The following SMARCA4 variants were observed in gnomAD, a reference collection of about 807,000 sequenced individuals.
SMARCA4 encodes the protein SWI/SNF related BAF chromatin remodeling complex subunit ATPase 4, also known as SWI/SNF-related matrix-associated actin-dependent regulator of chromatin subfamily A member 4.
Under a neutral mutation model 193.9 loss-of-function variants are expected in SMARCA4, and 31 were observed. The observed-to-expected ratio is 0.16, with a 90% CI of 0.12 to 0.22. The LOEUF is 0.22. SMARCA4 is among the 10% of genes least tolerant of loss of function. The pLI is 1.00. For synonymous variants in SMARCA4, 942 were observed against 933.1 expected (o/e 1.01, Z -0.17); for missense variants, 1,148 against 2,296.0 (o/e 0.50, Z 10.22).
intron 1 of SMARCA4, among the ~76,000 whole-genome samples, chr19:10,973,451 A>C (rs2084841531): frequency 6.6e-6 from 1 of 151,494 alleles, no homozygotes; most frequent in African/African-American, 2.4e-5. Flanking sequence ...CCCAGGCTAG[A>C]GTGCAGTGAT....
At chr19:11,028,675 C>T (rs1192420532) in intron 24 of SMARCA4, among the ~76,000 whole-genome samples, 2 of 152,252 alleles carry the variant, frequency 1.3e-5, no homozygotes, top group African/African-American at 2.4e-5. Flanking sequence ...GCCTGTGTTT[C>T]TGCGCCTGCC....
intron 30 of SMARCA4, among the ~76,000 whole-genome samples, chr19:11,057,653 C>A (rs2076620088): frequency 6.6e-6 from 1 of 151,756 alleles, no homozygotes; most frequent in African/African-American, 2.4e-5. Context: ...TGCTTGAGCC[C>A]AGGAGGCAGA....
At chr19:11,043,849 G>A (rs1471460300) in intron 30 of SMARCA4, among the ~76,000 whole-genome samples, 1 of 152,118 alleles carries the variant, frequency 6.6e-6, no homozygotes, top group Non-Finnish European at 1.5e-5. Flanking sequence ...GCATGGTGAT[G>A]CGTGCTTGAG....
chr19:11,059,930 G>T (rs763743559), intron 33 of SMARCA4, 45 bp downstream of exon 33: 2 of 1,613,412 alleles, frequency 1.2e-6, no homozygotes, highest in East Asian at 2.2e-5. Flanking sequence ...ACGCTGGCCC[G>T]AGAGCCCCCA....
chr19:11,061,952 T>G lies in SMARCA4; in HGVS notation c.*136T>G. On this transcript the variant is annotated 3_prime_UTR_variant, in exon 35 of 35. Coordinates refer to ENST00000344626, the MANE Select transcript of SMARCA4 (RefSeq NM_003072.5). Reference sequence around the variant, plus strand: ...GTATAAACAAAAGAATCTTCCATATTTATACAGCAGAGAAGCTGTAGGACT... The same window carrying G: ...GTATAAACAAAAGAATCTTCCATATGTATACAGCAGAGAAGCTGTAGGACT... 1 of 844,550 alleles carries G rather than the reference T, an allele frequency of 1.2e-6. No individual in the cohort carries two copies. Among genetic ancestry groups the G allele is most frequent in the Non-Finnish European group, 2.0e-6 (1 of 502,570 alleles). The allele number at this position is 844,550 out of a possible 1,614,324, so 52.3% of individuals were successfully genotyped here. A position where few individuals can be genotyped will look rare whatever the true frequency, so the allele number is the denominator to read the frequency against.
intron 30 of SMARCA4, among the ~76,000 whole-genome samples, chr19:11,050,016 C>T (rs2076168911): frequency 6.6e-6 from 1 of 152,154 alleles, no homozygotes; most frequent in Non-Finnish European, 1.5e-5. Context: ...GCAGGAGAAT[C>T]GCTTGAACCC....
intron 18 of SMARCA4, chr19:11,021,428 A>G (rs899538358): frequency 2.2e-5 from 11 of 509,034 alleles, no homozygotes; most frequent in Admixed American, 1.6e-4. Context: ...TGTGCTGTAG[A>G]TTCATATGTG....
intron 34 of SMARCA4, among the ~76,000 whole-genome samples, chr19:11,061,188 T>TTAAAAAA (rs1178420558): frequency 1.5e-5 from 1 of 68,860 alleles, no homozygotes; most frequent in African/African-American, 8.3e-5. Flanking sequence ...ACCCTGTCTT[T>TTAAAAAA]AAAAAAAAAA....
intron 1 of SMARCA4, among the ~76,000 whole-genome samples, chr19:10,966,902 A>C (rs1220079743): frequency 2.0e-5 from 3 of 152,022 alleles, no homozygotes; most frequent in Admixed American, 2.0e-4. Flanking sequence ...AAAGAAAAAA[A>C]AAAAGCCGGG....
At chr19:11,022,707 G>T (rs2089966793) in intron 19 of SMARCA4, among the ~76,000 whole-genome samples, 1 of 152,210 alleles carries the variant, frequency 6.6e-6, no homozygotes, top group South Asian at 2.1e-4. Context: ...GGCAGCTGGG[G>T]CCTTCCTGGC....
chr19:11,035,218 C>T, intron 29 of SMARCA4, 86 bp downstream of exon 29: 1 of 1,307,252 alleles, frequency 7.6e-7, no homozygotes, highest in Non-Finnish European at 1.1e-6. Context: ...AGGACTCAGG[C>T]CTGGGTCCAA....
Position 11,033,094 on chromosome 19 carries a change from G to T in SMARCA4, c.3547-196G>T. The T allele has an allele frequency of 1.5e-6, 1 of 657,064 alleles. No homozygotes were observed. Among genetic ancestry groups the T allele is most frequent in the East Asian group, 2.7e-5 (1 of 36,644 alleles). The allele number at this position is 657,064 out of a possible 1,614,324, so 40.7% of individuals were successfully genotyped here. A position where few individuals can be genotyped will look rare whatever the true frequency, so the allele number is the denominator to read the frequency against. ...GCACTTCTGGAGGAACGTGATGAGA[G>T]TCCCCTTCCCCCGAGGGACACATGG... On this transcript the variant is annotated intron_variant, in intron 25 of 34. Coordinates refer to ENST00000344626, the MANE Select transcript of SMARCA4 (RefSeq NM_003072.5). The surrounding 1 kb of genome is among the most constrained non-coding windows in gnomAD (Gnocchi z 9.8).
chr19:11,032,926 C>A (rs1388428774), intron 25 of SMARCA4, among the ~76,000 whole-genome samples: 1 of 152,258 alleles, frequency 6.6e-6, no homozygotes, highest in African/African-American at 2.4e-5. Flanking sequence ...CTTCGGCCCC[C>A]TGTTGTAAAT....
intron 34 of SMARCA4, among the ~76,000 whole-genome samples, chr19:11,061,201 AAAAATATATATAT>A (rs1328365832): frequency 1.4e-5 from 1 of 69,990 alleles, no homozygotes; most frequent in Non-Finnish European, 2.6e-5. Flanking sequence ...AAAAAAAAAA[AAAAATATATATAT>A]ATATATATAT....
At chr19:11,040,146 G>T (rs1300172466) in intron 29 of SMARCA4, 1 of 151,908 alleles carries the variant, frequency 6.6e-6, no homozygotes, top group Middle Eastern at 3.2e-3. Flanking sequence ...GTGGTGGCAC[G>T]TACCTGTAAT....
chr19:10,973,082 C>T (rs996045751), intron 1 of SMARCA4, among the ~76,000 whole-genome samples: 4 of 149,796 alleles, frequency 2.7e-5, no homozygotes, highest in African/African-American at 9.9e-5. Context: ...GCACTCCAGC[C>T]TGGGTGACAG....
chr19:11,001,765 T>C (rs17678136), intron 11 of SMARCA4, among the ~76,000 whole-genome samples: 7,490 of 152,294 alleles, frequency 0.049, 243 homozygotes, highest in South Asian at 0.1. Context: ...CAGGTAGTTA[T>C]AAATTCCTGG....
At chr19:11,010,660 C>G in intron 15 of SMARCA4, 129 bp downstream of exon 15, 1 of 877,026 alleles carries the variant, frequency 1.1e-6, no homozygotes, top group Admixed American at 1.8e-5. Context: ...TGCACTCTTC[C>G]CCTCTGAGCC....
chr19:11,046,870 C>A (rs2075954990), intron 30 of SMARCA4, among the ~76,000 whole-genome samples: 1 of 147,974 alleles, frequency 6.8e-6, no homozygotes, highest in African/African-American at 2.5e-5. Flanking sequence ...GCAGAAGGAC[C>A]ACAAGAAGTC....
Sources: allele counts gnomAD v4.1 joint callset (sites outside exome capture counted in the v4.1 genomes callset), GRCh38; gene constraint gnomAD v4.1.1; non-coding constraint Gnocchi (gnomAD v3.1); transcripts MANE v1.5; gene names NCBI Gene and HGNC (gene_info 2026-07-23, HGNC 2026-07-21).